VIT: variants seen among roughly 807,000 people sequenced by gnomAD.
The protein encoded by VIT is vitrin.
VIT carries 99 observed loss-of-function variants against 78.0 expected under a neutral mutation model. The observed-to-expected ratio is 1.27, with a 90% confidence interval of 1.08 to 1.50. The LOEUF is 1.50. VIT is among the 40% of genes most tolerant of loss of function. The probability of loss-of-function intolerance (pLI) is 0.00; values close to 1 mark genes in which losing one functional copy is unlikely to be tolerated. For missense variants in VIT, 1,126 were observed against 875.3 expected (o/e 1.29, Z -3.61); for synonymous variants, 374 against 334.3 (o/e 1.12, Z -1.29).
chr2:36,721,521 T>C (rs1372823465), intron 2 of VIT, among the ~76,000 whole-genome samples: 1 of 152,020 alleles, frequency 6.6e-6, no homozygotes. Context: ...CCCCTATTAA[T>C]CTCTTAAAGC....
rs757650854 is a variant in VIT, at chr2:36,743,145, A to C, written c.164A>C (p.Asp55Ala). 5.6e-6 allele frequency: 9 copies of C among 1,613,954 alleles called. No homozygotes were observed. The highest frequency in any genetic ancestry group is 1.7e-5 in the Admixed American group (1 of 60,002). Residue 55 changes from aspartate to alanine, a missense_variant, in exon 4 of 16, where the codon GAT becomes GCT. Physicochemically the swap from Asp to Ala is moderately radical, Grantham distance 126. Transcript: ENST00000379242. ...GATGTCAAAGCCGGAAAGATCATCG[A>C]TCCTGAGTTCATTGTGAAATGTCCA... ...NCDVKAGKII[D>A]PEFIVKCPAG...
intron 15 of VIT, among the ~76,000 whole-genome samples, chr2:36,812,058 T>C (rs953179741): frequency 1.3e-5 from 2 of 152,208 alleles, no homozygotes; most frequent in Non-Finnish European, 2.9e-5. Context: ...GGGCTTAGAC[T>C]GTCTAAACCC....
intron 1 of VIT, among the ~76,000 whole-genome samples, chr2:36,715,348 C>T (rs533245737): frequency 1.7e-4 from 26 of 152,028 alleles, no homozygotes; most frequent in Non-Finnish European, 3.7e-4. Flanking sequence ...GACCACATGG[C>T]CAAGATGGTG....
intron 2 of VIT, among the ~76,000 whole-genome samples, chr2:36,724,909 T>C (rs1042521979): frequency 2.7e-4 from 41 of 152,244 alleles, no homozygotes; most frequent in African/African-American, 9.6e-4. Flanking sequence ...TCCTTGCTCA[T>C]TTTCTTTCTA....
rs779750802 is a variant in VIT, at chr2:36,814,150, G to T, written c.1904-33G>T. On this transcript the variant is annotated intron_variant, in intron 15 of 15. Transcript: ENST00000379242. Reference sequence around the variant, plus strand: ...ATTCTTTAGCAGCACCTTTACTTGGGGACATTTGTTCATCTAACCTTTGTC... The same window carrying T: ...ATTCTTTAGCAGCACCTTTACTTGGTGACATTTGTTCATCTAACCTTTGTC... 4 of 1,600,110 alleles carry T rather than the reference G, an allele frequency of 2.5e-6. No individual in the cohort carries two copies. The African/African-American group carries it at 5.4e-5, about 21-fold the overall frequency.
Position 36,805,512 on chromosome 2 carries a change from G to T in VIT, c.1237G>T (p.Val413Leu), listed in dbSNP as rs758561553. 17 of 1,614,012 alleles carry T rather than the reference G, an allele frequency of 1.1e-5. No homozygotes were observed. The South Asian group carries it at 1.9e-4, about 18-fold the overall frequency. Residue 413 changes from valine (V) to leucine (L), a missense_variant, in exon 14 of 16, where the codon GTG becomes TTG. Transcript: ENST00000379242. ...AAACAGAAGCGGGGCTCCCAATGTG[G>T]TGGTGGTGATGGTGGATGGCTGGCC... Reference protein sequence around the residue: ...NGNRSGAPNVVVVMVDGWPTD... With the variant: ...NGNRSGAPNVLVVMVDGWPTD...
intron 15 of VIT, among the ~76,000 whole-genome samples, chr2:36,811,254 A>C (rs1667145435): frequency 6.6e-6 from 1 of 152,236 alleles, no homozygotes; most frequent in Non-Finnish European, 1.5e-5. Context: ...GGGCAGAGCC[A>C]GATGGGCCAG....
chr2:36,745,727 T>C (rs1668096318), intron 4 of VIT, among the ~76,000 whole-genome samples: 1 of 152,174 alleles, frequency 6.6e-6, no homozygotes, highest in Non-Finnish European at 1.5e-5. Context: ...TAGGGTTTTC[T>C]AGGTATAGAG....
chr2:36,752,062 C>T (rs1041188908), intron 4 of VIT, among the ~76,000 whole-genome samples: 8 of 152,120 alleles, frequency 5.3e-5, no homozygotes, highest in African/African-American at 1.9e-4. Flanking sequence ...GGTTTAGAAA[C>T]TCAGATTAAT....
At chr2:36,782,904 TC>T (rs1188845613) in intron 10 of VIT, among the ~76,000 whole-genome samples, 5 of 152,214 alleles carry the variant, frequency 3.3e-5, no homozygotes, top group Non-Finnish European at 7.3e-5. Context: ...GCCTTACTCA[TC>T]TTCGTTCATT....
At chr2:36,788,775 C>A (rs1261240735) in intron 12 of VIT, among the ~76,000 whole-genome samples, 1 of 152,076 alleles carries the variant, frequency 6.6e-6, no homozygotes, top group African/African-American at 2.4e-5. Flanking sequence ...TGTTATCTTG[C>A]ATTAAAAATA....
At chr2:36,790,000 T>C (rs1213187749) in intron 12 of VIT, among the ~76,000 whole-genome samples, 2 of 152,224 alleles carry the variant, frequency 1.3e-5, no homozygotes, top group African/African-American at 4.8e-5. Flanking sequence ...TCCTTGGGTT[T>C]CCTTAGGAGA....
intron 12 of VIT, among the ~76,000 whole-genome samples, chr2:36,794,711 C>A (rs1196644316): frequency 1.3e-5 from 2 of 152,036 alleles, no homozygotes; most frequent in African/African-American, 2.4e-5. Context: ...ATGCCTTTGC[C>A]CCTAATTATA....
chr2:36,737,807 A>T (rs1020385948), intron 3 of VIT, among the ~76,000 whole-genome samples: 6 of 152,158 alleles, frequency 3.9e-5, no homozygotes, highest in Non-Finnish European at 8.8e-5. Flanking sequence ...AGTAATCCCC[A>T]GTGTTTCTTG....
chr2:36,726,833 A>AC (rs966430595), intron 2 of VIT, among the ~76,000 whole-genome samples: 18 of 147,904 alleles, frequency 1.2e-4, no homozygotes, highest in Admixed American at 2.7e-4. Flanking sequence ...AAAAAAAAAA[A>AC]AAAAAAAAAA....
rs959040676 is a variant in VIT at position 36,751,214 on chromosome 2, G to T, written c.276-3707G>T. 4.6e-5 allele frequency among the ~76,000 whole-genome samples: 7 copies of T among 152,322 alleles called. No homozygotes were observed. In the East Asian group the frequency reaches 9.7e-4, roughly 21 times the overall value. The stretch of plus-strand genomic sequence containing the variant: ...AGTTCAAGACCAGCCTGGCCAACCT[G>T]GTGAAACCCCATCTCTACTAAAAAT... On this transcript the variant is annotated intron_variant, in intron 4 of 15. Transcript: ENST00000379242.
rs749837045 is a variant in VIT, at chr2:36,729,502, T to C, written c.118+11T>C. ...AAAGGCCCAAGTTCAGTAAGTAAAA[T>C]CACAATTCCTTGCTGGCATAATGCT... On this transcript the variant is annotated intron_variant, in intron 3 of 15. Transcript: ENST00000379242. The C allele has an allele frequency of 6.2e-7, 1 of 1,607,702 alleles. No individual in the cohort carries two copies. Among genetic ancestry groups the C allele is most frequent in the Non-Finnish European group, 8.5e-7 (1 of 1,177,476 alleles).
chr2:36,805,368 C>A, intron 13 of VIT, 70 bp from the exon 14 acceptor site: 1 of 1,415,812 alleles, frequency 7.1e-7, no homozygotes, highest in Non-Finnish European at 9.5e-7. Context: ...CCTCTTTGTG[C>A]TGCTGTGATC....
intron 8 of VIT, 119 bp downstream of exon 8, chr2:36,773,966 G>A: frequency 1.2e-5 from 12 of 1,008,440 alleles, no homozygotes; most frequent in Non-Finnish European, 1.6e-5. Flanking sequence ...AACCACTTAG[G>A]CCAACAGAAG....
Sources: gnomAD v4.1 joint callset for allele counts (sites outside exome capture counted in the v4.1 genomes callset) on GRCh38, gnomAD v4.1.1 for gene constraint, MANE v1.5 for transcripts, NCBI Gene and HGNC (gene_info 2026-07-23, HGNC 2026-07-21) for gene names.